The following SV2C variants were observed in gnomAD, a reference collection of about 807,000 sequenced individuals.
The protein encoded by SV2C is synaptic vesicle glycoprotein 2C.
SV2C carries 49 observed loss-of-function variants against 79.7 expected under a neutral mutation model. The ratio of observed to expected loss-of-function variants is 0.61; its 90% CI spans 0.49 to 0.78. SV2C has a LOEUF of 0.78. Among genes scored for constraint, SV2C ranks in the 30% least tolerant of loss-of-function variants. SV2C has a pLI of 0.00. For synonymous variants in SV2C, 334 were observed against 333.2 expected (o/e 1.00, Z -0.03); for missense variants, 833 against 912.9 (o/e 0.91, Z 1.13).
At chr5:76,235,180 C>CAAAAAAAAA (rs11336133) in intron 4 of SV2C, among the ~76,000 whole-genome samples, 1 of 131,040 alleles carries the variant, frequency 7.6e-6, no homozygotes, top group Non-Finnish European at 1.6e-5. Context: ...GAGAAAAGGG[C>CAAAAAAAAA]AAAAAAAAAA....
At chr5:76,087,262 G>A (rs1747228772) in intron 1 of SV2C, among the ~76,000 whole-genome samples, 1 of 152,168 alleles carries the variant, frequency 6.6e-6, no homozygotes, top group Non-Finnish European at 1.5e-5. Flanking sequence ...GATCAATTTA[G>A]TGTGACATTT....
In SV2C at chr5:76,328,472, T is replaced by C. The variant is rs1273096861; in HGVS notation, c.*2925T>C. 1 of 152,202 alleles carries C rather than the reference T, an allele frequency of 6.6e-6. No homozygotes were observed. Among genetic ancestry groups the C allele is most frequent in the Non-Finnish European group, 1.5e-5 (1 of 68,034 alleles). The allele number at this position is 152,202 out of a possible 1,614,324, so 9.4% of individuals were successfully genotyped here. A position where few individuals can be genotyped will look rare whatever the true frequency, so the allele number is the denominator to read the frequency against. Reference sequence around the variant, plus strand: ...TGAATTCTGTATGTACCACATTCTATCCCAGGTATTGGGTTTTAAGGCACC... The same window carrying C: ...TGAATTCTGTATGTACCACATTCTACCCCAGGTATTGGGTTTTAAGGCACC... On this transcript the variant is annotated 3_prime_UTR_variant, in exon 13 of 13. Transcript: ENST00000502798.
At chr5:75,954,782 C>G in the SV2C span, among the ~76,000 whole-genome samples, 56 of 148,608 alleles carry the variant, frequency 3.8e-4, no homozygotes, top group African/African-American at 1.5e-3. Context: ...CATGAGTGAA[C>G]TCCCATTCAC....
At chr5:75,860,511 G>A in the SV2C span, among the ~76,000 whole-genome samples, 1 of 152,104 alleles carries the variant, frequency 6.6e-6, no homozygotes, top group African/African-American at 2.4e-5. Flanking sequence ...TGGCCATAGT[G>A]CCCAAAGCTA....
chr5:76,220,439 A>G (rs575801070), intron 4 of SV2C, among the ~76,000 whole-genome samples: 26 of 152,254 alleles, frequency 1.7e-4, no homozygotes, highest in African/African-American at 6.3e-4. Context: ...TGGGAGGCCA[A>G]GGTGGGTGGA....
the SV2C span, among the ~76,000 whole-genome samples, chr5:75,933,604 A>T: frequency 6.6e-6 from 1 of 152,196 alleles, no homozygotes; most frequent in Non-Finnish European, 1.5e-5. Context: ...CCATCAGTGG[A>T]TAACCAGTAG....
chr5:75,898,645 A>T, the SV2C span, among the ~76,000 whole-genome samples: 2 of 152,130 alleles, frequency 1.3e-5, no homozygotes, highest in African/African-American at 2.4e-5. Context: ...AAGGAATGGT[A>T]CCAGTTCCTC....
chr5:76,038,934 C>T, the SV2C span, among the ~76,000 whole-genome samples: 1 of 152,204 alleles, frequency 6.6e-6, no homozygotes, highest in South Asian at 2.1e-4. Flanking sequence ...ATCAGGTCTC[C>T]TCCTTTCCAG....
the SV2C span, among the ~76,000 whole-genome samples, chr5:75,971,086 T>G: frequency 6.6e-6 from 1 of 152,078 alleles, no homozygotes; most frequent in South Asian, 2.1e-4. Context: ...CATGATTATC[T>G]CAACAGATGC....
chr5:76,244,668 A>T (rs1009773868), intron 4 of SV2C, among the ~76,000 whole-genome samples: 1 of 152,250 alleles, frequency 6.6e-6, no homozygotes, highest in Non-Finnish European at 1.5e-5. Context: ...CCCTTGTTCT[A>T]TATTTAGAGT....
chr5:75,953,249 A>T, the SV2C span, among the ~76,000 whole-genome samples: 1 of 151,894 alleles, frequency 6.6e-6, no homozygotes. Flanking sequence ...TCTCCCTCCC[A>T]AGGAGAGGAT....
At position 76,156,818 on chromosome 5, in the gene SV2C, CAAAAG is replaced by C. The variant is rs138168138; in HGVS notation, c.580+24492_580+24496del. 7.8e-3 allele frequency among the ~76,000 whole-genome samples: 1,184 copies of C among 151,690 alleles called. 11 individuals carry two copies. The highest frequency in any genetic ancestry group is 0.026 in the African/African-American group (1,092 of 41,364). ...AGGTTCAAGAGTAGATTTGAACTGA[CAAAAG>C]AAAGAATTAATGAACTAGAAGAAAG... On this transcript the variant is annotated intron_variant, in intron 2 of 12. Transcript: ENST00000502798.
chr5:76,252,693 T>C (rs1274139241), intron 4 of SV2C, among the ~76,000 whole-genome samples: 1 of 152,170 alleles, frequency 6.6e-6, no homozygotes, highest in Non-Finnish European at 1.5e-5. Context: ...TTTAACAACA[T>C]TGAAAAAGAA....
chr5:75,884,295 C>G, the SV2C span, among the ~76,000 whole-genome samples: 2 of 152,120 alleles, frequency 1.3e-5, no homozygotes, highest in Non-Finnish European at 2.9e-5. Flanking sequence ...TTAAGTGGAA[C>G]CTGCCAACAA....
At chr5:75,915,236 C>T in the SV2C span, among the ~76,000 whole-genome samples, 3 of 152,192 alleles carry the variant, frequency 2.0e-5, no homozygotes, top group African/African-American at 7.2e-5. Context: ...TGCTCAAGGT[C>T]ACAACTATCA....
chr5:76,283,040 C>T (rs975492267), intron 4 of SV2C, among the ~76,000 whole-genome samples: 3 of 150,828 alleles, frequency 2.0e-5, no homozygotes, highest in African/African-American at 4.9e-5. Context: ...CAAGTCTGGG[C>T]GCGGTGGCTC....
the SV2C span, among the ~76,000 whole-genome samples, chr5:76,059,350 A>G: frequency 0.015 from 2,334 of 152,170 alleles, 59 homozygotes; most frequent in African/African-American, 0.049. Flanking sequence ...CCACAGTAGA[A>G]CTTCTTTCAA....
intron 1 of SV2C, among the ~76,000 whole-genome samples, chr5:76,090,956 A>G (rs1747356567): frequency 6.6e-6 from 1 of 152,208 alleles, no homozygotes; most frequent in South Asian, 2.1e-4. Flanking sequence ...TCAAGCTCCG[A>G]CTAGCCTCTT....
At chr5:75,935,446 A>G in the SV2C span, among the ~76,000 whole-genome samples, 2 of 152,196 alleles carry the variant, frequency 1.3e-5, no homozygotes, top group South Asian at 4.1e-4. Context: ...TACCTTCCAG[A>G]AATAGTCACA....
Sources: allele counts gnomAD v4.1 joint callset (sites outside exome capture counted in the v4.1 genomes callset), GRCh38; gene constraint gnomAD v4.1.1; transcripts MANE v1.5; gene names NCBI Gene and HGNC (gene_info 2026-07-23, HGNC 2026-07-21).